Variants in ARAP1 observed in about 807,000 individuals in gnomAD.
The protein encoded by ARAP1 is arf-GAP with Rho-GAP domain, ANK repeat and PH domain-containing protein 1.
A neutral mutation model predicts 172.2 loss-of-function variants in ARAP1; 76 were observed. That is an observed-to-expected ratio of 0.44 (90% CI 0.37 to 0.53). The LOEUF is 0.53. ARAP1 is among the 20% of genes least tolerant of loss of function. The probability of loss-of-function intolerance (pLI) is 0.00; values close to 1 mark genes in which losing one functional copy is unlikely to be tolerated. For missense variants in ARAP1, 1,686 were observed against 1,977.5 expected (o/e 0.85, Z 2.80); for synonymous variants, 804 against 803.3 (o/e 1.00, Z -0.01).
intron 3 of ARAP1, chr11:72,721,833 G>A (rs989613473): frequency 8.1e-6 from 8 of 985,632 alleles, no homozygotes; most frequent in African/African-American, 3.5e-5. Flanking sequence ...CAACAGCAAC[G>A]GCGGCACCTC....
chr11:72,732,345 G>A (rs1041364232), intron 2 of ARAP1, among the ~76,000 whole-genome samples, 170 bp downstream of exon 2: 3 of 152,156 alleles, frequency 2.0e-5, no homozygotes, highest in African/African-American at 7.2e-5. Context: ...GGCCTGCTGG[G>A]AGGCTCGTAG....
chr11:72,696,627 G>C lies in ARAP1; in HGVS notation c.3194C>G (p.Ser1065Cys), dbSNP rs765550878. 6.2e-7 allele frequency: 1 copy of C among 1,605,304 alleles called. No individual in the cohort carries two copies. Among genetic ancestry groups the C allele is most frequent in the Admixed American group, 1.7e-5 (1 of 58,794 alleles). The change falls in exon 23 of 35, where the codon TCC becomes TGC. Residue 1065 changes from serine (S) to cysteine (C), a missense_variant. By Grantham distance (112) the Ser-to-Cys change is moderately radical. This residue lies in a region of ARAP1 where 274 missense variants were observed against 262.7 expected (regional missense o/e 1.04). Transcript: ENST00000393609. ...SEIEDEEEKVSRYRELLVRLP... is the reference protein window; with the variant it reads ...SEIEDEEEKVCRYRELLVRLP... The stretch of plus-strand genomic sequence containing the variant: ...CCGCACCAGCAGCTCTCGGTACCTG[G>C]AGACCTTCTCCTCCTCGTCCTCAAT...
intron 7 of ARAP1, 108 bp downstream of exon 7, chr11:72,712,088 G>T: frequency 7.1e-7 from 1 of 1,406,976 alleles, no homozygotes; most frequent in Non-Finnish European, 9.4e-7. Flanking sequence ...ATCATCGCAG[G>T]CCCTTCTGGT....
intron 2 of ARAP1, among the ~76,000 whole-genome samples, chr11:72,728,745 C>A (rs995089262): frequency 6.6e-6 from 1 of 151,888 alleles, no homozygotes; most frequent in Admixed American, 6.6e-5. Flanking sequence ...TAAACAACAG[C>A]GATAGGAAGA....
intron 4 of ARAP1, among the ~76,000 whole-genome samples, chr11:72,713,623 A>G (rs1030501071): frequency 5.9e-5 from 9 of 152,134 alleles, no homozygotes; most frequent in East Asian, 1.9e-4. Flanking sequence ...TGAGGTGGGC[A>G]GATCACGAAC....
chr11:72,705,931 C>T (rs747211866), intron 12 of ARAP1, 41 bp from the exon 13 acceptor site: 2 of 1,605,478 alleles, frequency 1.2e-6, no homozygotes, highest in Non-Finnish European at 8.5e-7. Flanking sequence ...CTGGGCCCCC[C>T]CTTCACGGGA....
In ARAP1 at chr11:72,697,900, G is replaced by A. The variant is rs928227959; in HGVS notation, c.2737+11C>T. The A allele has an allele frequency of 1.3e-6, 2 of 1,579,558 alleles. No individual in the cohort carries two copies. Among genetic ancestry groups the A allele is most frequent in the African/African-American group, 2.7e-5 (2 of 74,120 alleles). ...CCCTGGAGGCTGGGGGCCCAGGTCT[G>A]GTCCACGCACAAAGCTCCTGCAGTT... On this transcript the variant is annotated intron_variant, in intron 19 of 34. Coordinates refer to ENST00000393609, the MANE Select transcript of ARAP1 (RefSeq NM_001040118.3).
chr11:72,720,504 T>C (rs1352299123), intron 3 of ARAP1, among the ~76,000 whole-genome samples: 1 of 152,110 alleles, frequency 6.6e-6, no homozygotes, highest in Non-Finnish European at 1.5e-5. Context: ...CTAGGGCCAG[T>C]CCTCTCCATG....
chr11:72,711,688 A>T (rs1857015766), intron 7 of ARAP1, among the ~76,000 whole-genome samples, 189 bp from the exon 8 acceptor site: 1 of 127,814 alleles, frequency 7.8e-6, no homozygotes. Context: ...TCAAAGTAGC[A>T]CATCTCTTTT....
rs117387901 is a variant in ARAP1, at chr11:72,747,545, A to G, written c.-128+4783T>C. Among the ~76,000 whole-genome samples the G allele has an allele frequency of 3.3e-5, 5 of 152,314 alleles. No homozygotes were observed. The East Asian group carries it at 9.7e-4, about 30-fold the overall frequency. ...CTCAACACTTCAGGAAGCCCCAACC[A>G]GGCCTCAAGCAGAGAGGTAGAATGC... On this transcript the variant is annotated intron_variant, in intron 1 of 34. Coordinates refer to ENST00000393609, the MANE Select transcript of ARAP1 (RefSeq NM_001040118.3).
At chr11:72,692,354 G>C (rs1855976829) in intron 30 of ARAP1, among the ~76,000 whole-genome samples, 1 of 152,148 alleles carries the variant, frequency 6.6e-6, no homozygotes, top group Non-Finnish European at 1.5e-5. Context: ...GGCATGTTAG[G>C]ATCAGGGCAG....
rs778865505 is a variant in ARAP1 at position 72,702,914 on chromosome 11, G to A, written c.2158C>T (p.Arg720Trp). ...CCTCTGCCACGCTCACCTGTGGTCCGGTTGTTCCGAAGGAATTCCATCTGC... is the reference window on the plus strand; with the variant it reads ...CCTCTGCCACGCTCACCTGTGGTCCAGTTGTTCCGAAGGAATTCCATCTGC... ...TLQMEFLRNN[R>W]TTEVPRLDSM... is the part of the protein sequence containing the mutation. Residue 720 changes from arginine to tryptophan, a missense_variant, in exon 15 of 35, where the codon CGG becomes TGG. Around this residue, in one of 5 missense-constraint regions of ARAP1, gnomAD observed 688 missense variants for 856.9 expected, o/e 0.80. Coordinates refer to ENST00000393609, the MANE Select transcript of ARAP1 (RefSeq NM_001040118.3). 3.2e-5 allele frequency: 49 copies of A among 1,554,370 alleles called. No homozygotes were observed. Among genetic ancestry groups the A allele is most frequent in the Admixed American group, 2.3e-4 (12 of 51,328 alleles).
In ARAP1 at chr11:72,698,002, G is replaced by A. The variant is rs1186789012; in HGVS notation, c.2646C>T (p.Gly882=). ...AGLSLQRAQE[G]WFSLSGSELR... is the part of the protein sequence containing the mutation. ...GCTCCGAGCCACTGAGAGAGAACCA[G>A]CCCTCCTGGGCCCGCTGTAGGCTCA... Residue 882 remains glycine, a synonymous_variant, in exon 19 of 35, where the codon GGC becomes GGT. Transcript: ENST00000393609. 1 of 1,611,472 alleles carries A rather than the reference G, an allele frequency of 6.2e-7. No individual in the cohort carries two copies. The highest frequency in any genetic ancestry group is 8.5e-7 in the Non-Finnish European group (1 of 1,179,094).
Position 72,688,520 on chromosome 11 carries a change from C to G in ARAP1, c.4005G>C (p.Lys1335Asn). The change falls in exon 31 of 35, where the codon AAG becomes AAC. Residue 1335 changes from lysine (K) to asparagine (N), a missense_variant. Lys to Asn is a moderately conservative substitution (Grantham distance 94). Coordinates refer to ENST00000393609, the MANE Select transcript of ARAP1 (RefSeq NM_001040118.3). ...GAPETSHRPE[K>N]EWPIKSLKVY... ...CTTTGAGACTCTTAATAGGCCACTC[C>G]TTCTCAGGCCGGTGACTCTGAGGTA... 1.2e-6 allele frequency: 2 copies of G among 1,612,292 alleles called. No homozygotes were observed. Among genetic ancestry groups the G allele is most frequent in the South Asian group, 1.1e-5 (1 of 90,462 alleles).
chr11:72,697,097 T>G lies in ARAP1; in HGVS notation c.3052A>C (p.Lys1018Gln). The G allele has an allele frequency of 1.2e-6, 2 of 1,609,112 alleles. No homozygotes were observed. Among genetic ancestry groups the G allele is most frequent in the Non-Finnish European group, 8.5e-7 (1 of 1,179,888 alleles). Reference sequence around the variant, plus strand: ...TCATCCACGTGCTGCTCGCCCTCCTTGAGGTGCACAGAGCGCGCATCCTGC... The same window carrying G: ...TCATCCACGTGCTGCTCGCCCTCCTGGAGGTGCACAGAGCGCGCATCCTGC... ...LRQDARSVHL[K>Q]EGEQHVDDVS... is the part of the protein sequence containing the mutation. Residue 1018 changes from lysine (K) to glutamine (Q), a missense_variant, in exon 22 of 35, where the codon AAG (lysine) becomes CAG (glutamine). Lys to Gln is a moderately conservative substitution (Grantham distance 53, BLOSUM62 1). This residue lies in a region of ARAP1 where 274 missense variants were observed against 262.7 expected (regional missense o/e 1.04). Transcript: ENST00000393609.
rs117305143 is a variant in ARAP1, at chr11:72,723,978, G to A, written c.509+2642C>T. 2.8e-4 allele frequency among the ~76,000 whole-genome samples: 42 copies of A among 152,260 alleles called. No homozygotes were observed. In the East Asian group the frequency reaches 5.2e-3, roughly 19 times the overall value. ...CTGCTCAAACAGCACGTGCACACTC[G>A]CGGATGTACTCACACACTGTTGGGG... On this transcript the variant is annotated intron_variant, in intron 3 of 34. Transcript: ENST00000393609.
rs368732834 is a variant in ARAP1, at chr11:72,695,579, A to C, written c.3470T>G (p.Val1157Gly). 5.1e-5 allele frequency: 82 copies of C among 1,614,006 alleles called. No individual in the cohort carries two copies. The highest frequency in any genetic ancestry group is 6.5e-5 in the Non-Finnish European group (77 of 1,180,044). Reference sequence around the variant, plus strand: ...GGCAGTGCCAGCCACGCGCATCTTCACAATGGCAGTGATCTCCTCCCGCTG... The same window carrying C: ...GGCAGTGCCAGCCACGCGCATCTTCCCAATGGCAGTGATCTCCTCCCGCTG... Reference protein sequence around the residue: ...RKQREEITAIVKMRVAGTASG... With the variant: ...RKQREEITAIGKMRVAGTASG... Residue 1157 changes from valine (V) to glycine (G), a missense_variant, in exon 25 of 35, where the codon GTG (valine) becomes GGG (glycine). This residue lies in a region of ARAP1 where 379 missense variants were observed against 500.1 expected (regional missense o/e 0.76). Coordinates refer to ENST00000393609, the MANE Select transcript of ARAP1 (RefSeq NM_001040118.3). This position sits in a 1 kb window ranked among gnomAD's most constrained non-coding sequence, Gnocchi z 4.4.
chr11:72,703,204 C>G, intron 14 of ARAP1, 125 bp from the exon 15 acceptor site: 1 of 952,496 alleles, frequency 1.0e-6, no homozygotes, highest in Non-Finnish European at 1.5e-6. Context: ...CATCCTCAGA[C>G]TGAAAGAGAG....
chr11:72,703,104 G>A, intron 14 of ARAP1, 25 bp from the exon 15 acceptor site: 2 of 1,518,752 alleles, frequency 1.3e-6, no homozygotes, highest in Non-Finnish European at 1.8e-6. Flanking sequence ...GGGAGGGTCA[G>A]CCCAAGAAGG....
Sources: gnomAD v4.1 joint callset for allele counts (sites outside exome capture counted in the v4.1 genomes callset) on GRCh38, gnomAD v4.1.1 for gene constraint, gnomAD v4.1.1 regional missense constraint, Gnocchi (gnomAD v3.1) non-coding constraint, MANE v1.5 for transcripts, NCBI Gene and HGNC (gene_info 2026-07-23, HGNC 2026-07-21) for gene names.